The following NTM variants were observed in gnomAD, a reference collection of about 807,000 sequenced individuals.
NTM encodes IgLON family member 2.
Under a neutral mutation model 42.1 loss-of-function variants are expected in NTM, and 13 were observed. The observed-to-expected ratio is 0.31, with a 90% CI of 0.20 to 0.49. NTM has a LOEUF of 0.49. Ranked by LOEUF, NTM falls within the 20% of genes least tolerant of loss-of-function variation. NTM has a pLI of 0.99. For synonymous variants in NTM, 187 were observed against 179.2 expected, an observed-to-expected ratio of 1.04 and a Z score of -0.35; for missense variants, 373 against 452.8, an observed-to-expected ratio of 0.82 and a Z score of 1.60.
intron 1 of NTM, among the ~76,000 whole-genome samples, chr11:131,868,242 G>A (rs764975894): frequency 1.3e-5 from 2 of 152,000 alleles, no homozygotes; most frequent in Non-Finnish European, 2.9e-5. Context: ...TTGTTTCCTC[G>A]CCCTCACTCT....
At chr11:131,558,091 T>A (rs2136971410) in intron 1 of NTM, among the ~76,000 whole-genome samples, 1 of 152,306 alleles carries the variant, frequency 6.6e-6, no homozygotes, top group East Asian at 1.9e-4. Context: ...ATGACATTGC[T>A]CCCTTTGAGC....
At chr11:131,454,435 T>C (rs191064180) in intron 1 of NTM, among the ~76,000 whole-genome samples, 246 of 152,252 alleles carry the variant, frequency 1.6e-3, no homozygotes, top group Non-Finnish European at 6.8e-4. Flanking sequence ...CCTATCCTTG[T>C]CTCTGAAAGG....
At chr11:132,067,797 C>CT (rs1451444063) in intron 2 of NTM, among the ~76,000 whole-genome samples, 1 of 152,172 alleles carries the variant, frequency 6.6e-6, no homozygotes, top group Non-Finnish European at 1.5e-5. Context: ...GTCATCTTTC[C>CT]TTTTTTCATG....
At chr11:131,550,415 G>A (rs1371641506) in intron 1 of NTM, among the ~76,000 whole-genome samples, 4 of 152,180 alleles carry the variant, frequency 2.6e-5, no homozygotes, top group African/African-American at 2.4e-5. Flanking sequence ...CTGCTGAAAG[G>A]TAATTGGATC....
intron 8 of NTM, among the ~76,000 whole-genome samples, chr11:132,331,403 G>A (rs2095798789): frequency 6.6e-6 from 1 of 152,218 alleles, no homozygotes; most frequent in Non-Finnish European, 1.5e-5. Flanking sequence ...ATTGGATATA[G>A]TTAGAAAAGG....
chr11:132,228,742 G>T (rs568672917), intron 4 of NTM, among the ~76,000 whole-genome samples: 1 of 152,136 alleles, frequency 6.6e-6, no homozygotes, highest in Non-Finnish European at 1.5e-5. Flanking sequence ...GCTTCTGAGC[G>T]GTCACGTTCC....
At chr11:131,689,724 T>C (rs1012965801) in intron 1 of NTM, among the ~76,000 whole-genome samples, 2 of 152,034 alleles carry the variant, frequency 1.3e-5, no homozygotes, top group Non-Finnish European at 2.9e-5. Context: ...CCATCTCCCC[T>C]CCCATACCGC....
intron 1 of NTM, among the ~76,000 whole-genome samples, chr11:131,649,679 C>T (rs867019248): frequency 7.9e-5 from 12 of 152,100 alleles, no homozygotes; most frequent in African/African-American, 1.2e-4. Flanking sequence ...TGGGGGGAGG[C>T]GGTGCATGTA....
intron 1 of NTM, among the ~76,000 whole-genome samples, chr11:131,580,295 C>A (rs1304610397): frequency 6.6e-6 from 1 of 152,308 alleles, no homozygotes; most frequent in South Asian, 2.1e-4. Context: ...TCATTTCAGG[C>A]ATAACTCTCA....
At chr11:132,242,430 G>A (rs762695359) in intron 4 of NTM, among the ~76,000 whole-genome samples, 20 of 152,294 alleles carry the variant, frequency 1.3e-4, no homozygotes, top group Non-Finnish European at 2.4e-4. Context: ...TAAAAAAATG[G>A]TGGGTGGGGA....
chr11:131,589,725 T>C (rs1296721876), intron 1 of NTM, among the ~76,000 whole-genome samples: 2 of 152,264 alleles, frequency 1.3e-5, no homozygotes, highest in Middle Eastern at 3.4e-3. Context: ...CATACACACA[T>C]GCGCACACAC....
intron 1 of NTM, among the ~76,000 whole-genome samples, chr11:131,783,913 T>G (rs2088649399): frequency 6.6e-6 from 1 of 152,190 alleles, no homozygotes; most frequent in Non-Finnish European, 1.5e-5. Context: ...CCATAATCTA[T>G]AAAACAGTCA....
At chr11:132,187,319 A>G (rs1298713727) in intron 3 of NTM, among the ~76,000 whole-genome samples, 2 of 152,004 alleles carry the variant, frequency 1.3e-5, no homozygotes. Context: ...CAGCAACACC[A>G]TATCTGGCTT....
intron 4 of NTM, among the ~76,000 whole-genome samples, chr11:132,218,933 C>T (rs745396254): frequency 6.6e-6 from 1 of 152,208 alleles, no homozygotes. Flanking sequence ...GCACTACTCA[C>T]TGGCTGGGTC....
intron 1 of NTM, among the ~76,000 whole-genome samples, chr11:131,630,405 A>G (rs2063535602): frequency 6.6e-6 from 1 of 152,106 alleles, no homozygotes; most frequent in Admixed American, 6.6e-5. Context: ...GAATCTAGGG[A>G]AAACCTTGGA....
At chr11:131,706,441 A>G (rs1299831549) in intron 1 of NTM, among the ~76,000 whole-genome samples, 1 of 152,066 alleles carries the variant, frequency 6.6e-6, no homozygotes, top group African/African-American at 2.4e-5. Flanking sequence ...AGAAAAATCA[A>G]TAAGGAAACA....
intron 1 of NTM, among the ~76,000 whole-genome samples, chr11:131,698,788 G>A (rs2075760753): frequency 6.6e-6 from 1 of 152,172 alleles, no homozygotes; most frequent in Admixed American, 6.5e-5. Context: ...AAATTCTACT[G>A]ATTTCTTACA....
intron 2 of NTM, among the ~76,000 whole-genome samples, chr11:132,132,844 T>C (rs575082850): frequency 6.6e-6 from 1 of 152,304 alleles, no homozygotes; most frequent in South Asian, 2.1e-4. Flanking sequence ...CTCTCAAATA[T>C]GAACAAGCAA....
intron 1 of NTM, among the ~76,000 whole-genome samples, chr11:131,895,477 A>G (rs190923340): frequency 4.6e-5 from 7 of 152,236 alleles, no homozygotes; most frequent in Admixed American, 4.6e-4. Context: ...TTGAACTCAC[A>G]CTCAGGGTCA....
Sources: gnomAD v4.1 joint callset for allele counts (sites outside exome capture counted in the v4.1 genomes callset) on GRCh38, gnomAD v4.1.1 for gene constraint, MANE v1.5 for transcripts, NCBI Gene and HGNC (gene_info 2026-07-23, HGNC 2026-07-21) for gene names.